GPM6A: variants seen among roughly 807,000 people sequenced by gnomAD.
The protein encoded by GPM6A is neuronal membrane glycoprotein M6-a.
A neutral mutation model predicts 32.1 loss-of-function variants in GPM6A; 7 were observed. That is an observed-to-expected ratio of 0.22 (90% CI 0.12 to 0.41). The LOEUF (loss-of-function observed/expected upper bound fraction) is 0.41, where lower values mean the gene tolerates loss of function less well. Among genes scored for constraint, GPM6A ranks in the 10% least tolerant of loss-of-function variants. The pLI is 1.00. For synonymous variants in GPM6A, 130 were observed against 123.4 expected (o/e 1.05, Z -0.35); for missense variants, 235 against 347.2 (o/e 0.68, Z 2.57).
intron 1 of GPM6A, among the ~76,000 whole-genome samples, chr4:175,971,703 C>T (rs1740507642): frequency 6.6e-6 from 1 of 152,164 alleles, no homozygotes; most frequent in African/African-American, 2.4e-5. Flanking sequence ...GAAGTTTCTG[C>T]TGGAGCTGTC....
chr4:175,962,477 C>A, intron 1 of GPM6A: 1 of 611,488 alleles, frequency 1.6e-6, no homozygotes, highest in South Asian at 1.5e-5. Flanking sequence ...TTCTCCAATG[C>A]GCAAGTGAAG....
intron 1 of GPM6A, among the ~76,000 whole-genome samples, chr4:175,738,515 G>T (rs1731754121): frequency 6.6e-6 from 1 of 151,892 alleles, no homozygotes; most frequent in South Asian, 2.1e-4. Flanking sequence ...GGCAAGCAAA[G>T]GACTCAACTC....
chr4:175,734,152 A>AT lies in GPM6A; in HGVS notation c.38-32386dup, dbSNP rs1157564747. Among the ~76,000 whole-genome samples the AT allele has an allele frequency of 3.4e-4, 49 of 143,172 alleles. No individual in the cohort carries two copies. In the East Asian group the frequency reaches 0.015, roughly 43 times the overall value. 93.9% of individuals were successfully genotyped at this position (143,172 alleles called of 152,430 possible). ...ATTTTTGCCATATATATATATATATATATATATATTTTTTAATTTCAACAT... is the reference window on the plus strand; with the variant it reads ...ATTTTTGCCATATATATATATATATATTATATATATTTTTTAATTTCAACAT... On this transcript the variant is annotated intron_variant, in intron 1 of 6. Transcript: ENST00000393658.
intron 1 of GPM6A, among the ~76,000 whole-genome samples, chr4:175,864,266 A>G (rs750817461): frequency 3.3e-5 from 5 of 152,178 alleles, no homozygotes; most frequent in Non-Finnish European, 5.9e-5. Flanking sequence ...TTCTGGGCTT[A>G]GATGATCCTC....
intron 1 of GPM6A, among the ~76,000 whole-genome samples, chr4:175,877,518 C>T (rs1388239370): frequency 6.6e-6 from 1 of 152,100 alleles, no homozygotes; most frequent in African/African-American, 2.4e-5. Context: ...CACCTCTTCA[C>T]AGGGCAGCAG....
chr4:175,636,260 G>GTATATATATATATATATC, intron 6 of GPM6A, among the ~76,000 whole-genome samples: 1 of 101,340 alleles, frequency 9.9e-6, no homozygotes, highest in Non-Finnish European at 2.0e-5. Flanking sequence ...CATAATCACT[G>GTATATATATATATATATC]TATATATATA....
intron 1 of GPM6A, among the ~76,000 whole-genome samples, chr4:175,779,475 G>A (rs1176503506): frequency 6.6e-6 from 1 of 152,090 alleles, no homozygotes; most frequent in East Asian, 1.9e-4. Flanking sequence ...CATTCATGTG[G>A]TTTCCAGTTC....
intron 1 of GPM6A, among the ~76,000 whole-genome samples, chr4:175,846,662 T>G (rs985868865): frequency 6.6e-6 from 1 of 152,200 alleles, no homozygotes; most frequent in African/African-American, 2.4e-5. Context: ...AAGAAATGTC[T>G]ATACCGAAGA....
intron 1 of GPM6A, among the ~76,000 whole-genome samples, chr4:175,905,323 G>C (rs1283322969): frequency 6.6e-6 from 1 of 152,126 alleles, no homozygotes; most frequent in Non-Finnish European, 1.5e-5. Context: ...GAATGGCTTT[G>C]AATGCAGCCC....
At chr4:175,699,595 T>C (rs1744761962) in intron 2 of GPM6A, among the ~76,000 whole-genome samples, 1 of 152,206 alleles carries the variant, frequency 6.6e-6, no homozygotes. Context: ...TTATAATAAT[T>C]TCACTTCTTA....
At chr4:175,984,170 A>T (rs1313929570) in intron 1 of GPM6A, among the ~76,000 whole-genome samples, 1 of 151,934 alleles carries the variant, frequency 6.6e-6, no homozygotes, top group East Asian at 1.9e-4. Flanking sequence ...TTATTTATTT[A>T]TGTATTTATT....
Position 175,819,935 on chromosome 4 carries a change from T to A in GPM6A, c.-22-7686A>T, listed in dbSNP as rs181822517. On this transcript the variant is annotated intron_variant, in intron 1 of 7. Coordinates refer to the GPM6A transcript ENST00000280187. The stretch of plus-strand genomic sequence containing the variant: ...ATACTCAAAGAACTTACGATTGAAG[T>A]TAAAAATATTAATACTCAGTTTAAA... 1.4e-4 allele frequency among the ~76,000 whole-genome samples: 22 copies of A among 152,292 alleles called. No individual in the cohort carries two copies. In the East Asian group the frequency reaches 4.2e-3, roughly 29 times the overall value.
intron 1 of GPM6A, among the ~76,000 whole-genome samples, chr4:175,738,754 G>T (rs1193257495): frequency 2.0e-5 from 3 of 152,134 alleles, no homozygotes; most frequent in African/African-American, 7.2e-5. Context: ...GGAACAATGT[G>T]TTCATACTGT....
Position 175,724,966 on chromosome 4 carries a change from G to A in GPM6A, c.38-23199C>T, listed in dbSNP as rs918860726. On this transcript the variant is annotated intron_variant, in intron 1 of 6. Transcript: ENST00000393658. Reference sequence around the variant, plus strand: ...CTGGCCCTTGGGCATTCTCCCTGGCGAGGCCCTCTACTGCAAACATTCTTC... The same window carrying A: ...CTGGCCCTTGGGCATTCTCCCTGGCAAGGCCCTCTACTGCAAACATTCTTC... Among the ~76,000 whole-genome samples, 4 of 152,074 alleles carry A rather than the reference G, an allele frequency of 2.6e-5. No homozygotes were observed. In the East Asian group the frequency reaches 7.7e-4, roughly 29 times the overall value.
chr4:175,931,709 C>CACACACAT (rs1324269132), intron 1 of GPM6A, among the ~76,000 whole-genome samples: 11 of 129,328 alleles, frequency 8.5e-5, no homozygotes, highest in African/African-American at 3.1e-4. Flanking sequence ...CACACACACA[C>CACACACAT]ATATATATAT....
intron 1 of GPM6A, among the ~76,000 whole-genome samples, chr4:175,890,493 AT>A (rs1269678957): frequency 1.3e-5 from 1 of 75,998 alleles, no homozygotes; most frequent in African/African-American, 7.0e-5. Context: ...GAGCAATTTT[AT>A]TTTATTTTAT....
At chr4:175,825,936 T>C (rs1360643183) in intron 1 of GPM6A, among the ~76,000 whole-genome samples, 2 of 152,104 alleles carry the variant, frequency 1.3e-5, no homozygotes, top group African/African-American at 2.4e-5. Flanking sequence ...TCTCAGAATT[T>C]TGGGAGTCCG....
In GPM6A at chr4:175,774,957, G is replaced by A. The variant is rs191392200; in HGVS notation, c.37+37234C>T. On this transcript the variant is annotated intron_variant, in intron 1 of 6. Coordinates refer to ENST00000393658, the MANE Select transcript of GPM6A (RefSeq NM_201591.3). ...ATAATTTTTGTTTCTAAATAAACCA[G>A]ACGATCCCAAAATTTTGACCAAAAT... is the stretch of plus-strand genomic sequence containing the variant. Among the ~76,000 whole-genome samples the A allele has an allele frequency of 6.1e-3, 923 of 152,122 alleles. 10 individuals carry two copies. Among genetic ancestry groups the A allele is most frequent in the Non-Finnish European group, 0.011 (739 of 67,924 alleles).
chr4:175,797,715 T>C (rs961546225), intron 1 of GPM6A, among the ~76,000 whole-genome samples: 3 of 152,182 alleles, frequency 2.0e-5, no homozygotes. Flanking sequence ...ATGTACATGA[T>C]TGTAGGCTTC....
Sources: gnomAD v4.1 joint callset for allele counts (sites outside exome capture counted in the v4.1 genomes callset) on GRCh38, gnomAD v4.1.1 for gene constraint, MANE v1.5 for transcripts, NCBI Gene and HGNC (gene_info 2026-07-23, HGNC 2026-07-21) for gene names.